The following SEL1L2 variants were observed in gnomAD, a reference collection of about 807,000 sequenced individuals.
SEL1L2 encodes protein sel-1 homolog 2.
A neutral mutation model predicts 98.8 loss-of-function variants in SEL1L2; 89 were observed. The observed-to-expected ratio is 0.90, with a 90% CI of 0.76 to 1.07. The LOEUF is 1.07. Ranked by LOEUF, SEL1L2 falls within the 50% of genes least tolerant of loss-of-function variation. The probability of loss-of-function intolerance (pLI) is 0.00; values close to 1 mark genes in which losing one functional copy is unlikely to be tolerated. For synonymous variants in SEL1L2, 262 were observed against 278.5 expected (o/e 0.94, Z 0.59); for missense variants, 788 against 812.0 (o/e 0.97, Z 0.36).
At chr20:13,981,782 G>A (rs2051843586) in intron 1 of SEL1L2, among the ~76,000 whole-genome samples, 1 of 152,224 alleles carries the variant, frequency 6.6e-6, no homozygotes, top group South Asian at 2.1e-4. Flanking sequence ...TTTTCAGGGA[G>A]AGATGCTCCA....
intron 12 of SEL1L2, among the ~76,000 whole-genome samples, chr20:13,872,007 G>A (rs2046227173): frequency 6.6e-6 from 1 of 152,124 alleles, no homozygotes; most frequent in Admixed American, 6.5e-5. Flanking sequence ...TTTCAAAAGT[G>A]GTTTCAAGAC....
intron 1 of SEL1L2, among the ~76,000 whole-genome samples, chr20:13,966,350 G>A (rs1042483744): frequency 2.6e-5 from 4 of 151,064 alleles, no homozygotes; most frequent in African/African-American, 4.9e-5. Flanking sequence ...GCGGAGTTTC[G>A]CTCTGTCGCC....
chr20:13,891,344 G>A (rs2047195552), intron 5 of SEL1L2, among the ~76,000 whole-genome samples: 1 of 152,094 alleles, frequency 6.6e-6, no homozygotes, highest in Admixed American at 6.6e-5. Flanking sequence ...ACCAGAAAAG[G>A]ATGGGATAAT....
chr20:13,904,843 C>T (rs889506257), intron 5 of SEL1L2, among the ~76,000 whole-genome samples: 8 of 152,086 alleles, frequency 5.3e-5, no homozygotes, highest in Non-Finnish European at 7.3e-5. Flanking sequence ...ATATACTGAC[C>T]TTTTTTAAAT....
intron 17 of SEL1L2, among the ~76,000 whole-genome samples, chr20:13,863,838 C>T (rs1004204418): frequency 4.0e-5 from 6 of 151,816 alleles, no homozygotes; most frequent in African/African-American, 9.7e-5. Flanking sequence ...GGTGTGGTGG[C>T]GCATGCCTGT....
At chr20:13,879,281 A>T (rs1196330761) in intron 10 of SEL1L2, among the ~76,000 whole-genome samples, 4 of 152,170 alleles carry the variant, frequency 2.6e-5, no homozygotes, top group African/African-American at 9.7e-5. Flanking sequence ...AAAAGCTAAG[A>T]CTTGCAAAAA....
intron 1 of SEL1L2, among the ~76,000 whole-genome samples, chr20:13,967,628 T>C (rs2051110006): frequency 6.6e-6 from 1 of 152,166 alleles, no homozygotes; most frequent in South Asian, 2.1e-4. Context: ...CCTTAACAAC[T>C]GGTTCTGTCT....
intron 5 of SEL1L2, among the ~76,000 whole-genome samples, chr20:13,892,459 A>C (rs1212888849): frequency 6.6e-6 from 1 of 152,146 alleles, no homozygotes; most frequent in Non-Finnish European, 1.5e-5. Flanking sequence ...CAAAAAAAAA[A>C]AAAGTATAAG....
chr20:13,907,747 T>TTTC lies in SEL1L2; in HGVS notation c.549+6034_549+6035insGAA, dbSNP rs746111271. ...CTTTCTTTCTTTCTTTCTTTCTTTCTTTTCTTTTCTTTTCTTTTCTTTTTT... is the reference window on the plus strand; with the variant it reads ...CTTTCTTTCTTTCTTTCTTTCTTTCTTTCTTTCTTTTCTTTTCTTTTCTTTTTT... On this transcript the variant is annotated intron_variant, in intron 5 of 19. Transcript: ENST00000284951. 1.6e-3 allele frequency among the ~76,000 whole-genome samples: 139 copies of TTTC among 85,340 alleles called. 1 individual carries two copies. Among genetic ancestry groups the TTTC allele is most frequent in the African/African-American group, 4.7e-3 (117 of 24,792 alleles). The allele number at this position is 85,340 out of a possible 152,430, so 56.0% of individuals were successfully genotyped here. A position where few individuals can be genotyped will look rare whatever the true frequency, so the allele number is the denominator to read the frequency against.
At chr20:13,920,185 G>T (rs1199151900) in intron 3 of SEL1L2, among the ~76,000 whole-genome samples, 3 of 133,706 alleles carry the variant, frequency 2.2e-5, no homozygotes, top group Non-Finnish European at 4.7e-5. Flanking sequence ...CTGAGATCAG[G>T]CCACTGCACT....
intron 5 of SEL1L2, 114 bp from the exon 6 acceptor site, chr20:13,888,626 T>C: frequency 2.3e-6 from 1 of 436,414 alleles, no homozygotes; most frequent in South Asian, 2.9e-5. Context: ...TGTTAATTTC[T>C]TTCTTTCTCT....
intron 2 of SEL1L2, among the ~76,000 whole-genome samples, chr20:13,936,810 C>T (rs2148347442): frequency 6.6e-6 from 1 of 152,284 alleles, no homozygotes; most frequent in African/African-American, 2.4e-5. Context: ...ACAAGATGAA[C>T]CCATTGGGTG....
chr20:13,858,081 G>C (rs953152967), intron 18 of SEL1L2, among the ~76,000 whole-genome samples: 2 of 152,072 alleles, frequency 1.3e-5, no homozygotes, highest in Non-Finnish European at 2.9e-5. Context: ...CACTGCTTAG[G>C]GTGCCAGGGC....
chr20:13,901,904 C>T (rs920248464), intron 5 of SEL1L2, among the ~76,000 whole-genome samples: 6 of 152,114 alleles, frequency 3.9e-5, no homozygotes, highest in African/African-American at 1.4e-4. Context: ...CTCAAGCAAT[C>T]CACCCGCCTC....
At chr20:13,919,519 C>T (rs963680168) in intron 3 of SEL1L2, among the ~76,000 whole-genome samples, 1 of 152,102 alleles carries the variant, frequency 6.6e-6, no homozygotes, top group Admixed American at 6.6e-5. Context: ...GAGCATAGCA[C>T]AGTAAATCCC....
At chr20:13,941,171 C>T (rs745830717) in intron 2 of SEL1L2, among the ~76,000 whole-genome samples, 5 of 152,126 alleles carry the variant, frequency 3.3e-5, no homozygotes, top group African/African-American at 4.8e-5. Flanking sequence ...ATAAAAGACA[C>T]GACCAACAAC....
In SEL1L2 at chr20:13,888,532, AC is replaced by A; in HGVS notation, c.550-21del. On this transcript the variant is annotated intron_variant, in intron 5 of 19. Transcript: ENST00000284951. ...TAATGCCTAAAGCACAAAAGAAGAA[AC>A]AAAATTTAATAAATCAATTTATTTC... is the stretch of plus-strand genomic sequence containing the variant. 7.3e-7 allele frequency: 1 copy of A among 1,378,690 alleles called. No individual in the cohort carries two copies. Among genetic ancestry groups the A allele is most frequent in the Non-Finnish European group, 1.0e-6 (1 of 983,898 alleles). 85.4% of individuals were successfully genotyped at this position (1,378,690 alleles called of 1,614,324 possible).
intron 17 of SEL1L2, among the ~76,000 whole-genome samples, chr20:13,863,334 T>TG (rs1990471270): frequency 6.6e-6 from 1 of 152,164 alleles, no homozygotes; most frequent in African/African-American, 2.4e-5. Flanking sequence ...AGCTGGTTCT[T>TG]GGGGGAATTC....
chr20:13,894,125 T>C (rs1429881768), intron 5 of SEL1L2, among the ~76,000 whole-genome samples: 2 of 151,766 alleles, frequency 1.3e-5, no homozygotes, highest in East Asian at 3.9e-4. Flanking sequence ...ACTTTATACC[T>C]CAAAGAACTA....
Sources: gnomAD v4.1 joint callset for allele counts (sites outside exome capture counted in the v4.1 genomes callset) on GRCh38, gnomAD v4.1.1 for gene constraint, MANE v1.5 for transcripts, NCBI Gene and HGNC (gene_info 2026-07-23, HGNC 2026-07-21) for gene names.